The following APOL3 variants were observed in gnomAD, a reference collection of about 807,000 sequenced individuals.
APOL3 encodes apolipoprotein L3, also known as TNF-inducible protein CG12-1.
APOL3 carries 14 observed loss-of-function variants against 11.6 expected under a neutral mutation model. That is an observed-to-expected ratio of 1.21 (90% CI 0.80 to 1.89). The LOEUF is 1.89. Among genes scored for constraint, APOL3 ranks in the 40% most tolerant of loss-of-function variants. The probability of loss-of-function intolerance (pLI) is 0.00; values close to 1 mark genes in which losing one functional copy is unlikely to be tolerated. For synonymous variants in APOL3, 192 were observed against 190.6 expected (o/e 1.01, Z -0.06); for missense variants, 483 against 492.1 (o/e 0.98, Z 0.17).
chr22:36,157,356 C>T (rs144641592), intron 1 of APOL3, among the ~76,000 whole-genome samples: 5 of 152,186 alleles, frequency 3.3e-5, no homozygotes, highest in African/African-American at 1.2e-4. Flanking sequence ...AGAATACACA[C>T]AAAAAAGTCT....
chr22:36,151,354 G>T (rs1249860497), intron 1 of APOL3, among the ~76,000 whole-genome samples: 1 of 152,134 alleles, frequency 6.6e-6, no homozygotes, highest in Non-Finnish European at 1.5e-5. Flanking sequence ...CAGAAGAAAT[G>T]GATGATTGCG....
exon 3 of APOL3, chr22:36,140,894 A>T: frequency 3.7e-6 from 1 of 272,136 alleles, no homozygotes; most frequent in Non-Finnish European, 6.9e-6. Context: ...GTTCCTGCAC[A>T]CCTCCCCTCT....
intron 1 of APOL3, chr22:36,159,573 T>C (rs1174204781): frequency 1.3e-5 from 2 of 152,262 alleles, no homozygotes; most frequent in East Asian, 3.8e-4. Context: ...CAAGCTGGGA[T>C]CATGTGGCAG....
At chr22:36,153,285 C>A in intron 1 of APOL3, 1 of 412,572 alleles carries the variant, frequency 2.4e-6, no homozygotes. Flanking sequence ...AACTGCTAAC[C>A]TCAATAATGG....
intron 1 of APOL3, among the ~76,000 whole-genome samples, chr22:36,155,015 G>A (rs929235232): frequency 2.1e-4 from 32 of 152,110 alleles, no homozygotes; most frequent in African/African-American, 2.2e-4. Context: ...TGGAGGTGCC[G>A]ATGGACCTCC....
chr22:36,159,613 GC>G (rs2013463047), intron 1 of APOL3: 1 of 152,194 alleles, frequency 6.6e-6, no homozygotes, highest in Admixed American at 6.5e-5. Context: ...CGTTCTCACT[GC>G]CCCTGTCTGG....
chr22:36,159,066 C>T (rs1569529931), intron 1 of APOL3, among the ~76,000 whole-genome samples: 1 of 152,012 alleles, frequency 6.6e-6, no homozygotes, highest in Non-Finnish European at 1.5e-5. Context: ...TGTAATTGCA[C>T]CTGAGTTTAT....
chr22:36,149,324 C>A, intron 1 of APOL3, 182 bp from the exon 2 acceptor site: 1 of 1,306,226 alleles, frequency 7.7e-7, no homozygotes, highest in South Asian at 1.2e-5. Flanking sequence ...TCTACTTGCT[C>A]CAGCTCCCTC....
intron 1 of APOL3, chr22:36,157,060 G>A (rs2012997245): frequency 4.4e-6 from 2 of 455,454 alleles, no homozygotes; most frequent in African/African-American, 4.0e-5. Context: ...TACTTTTGGT[G>A]GCTCTATCAG....
chr22:36,164,113 GT>G (rs929947037), upstream of APOL3, among the ~76,000 whole-genome samples: 2 of 152,108 alleles, frequency 1.3e-5, no homozygotes, highest in Admixed American at 6.5e-5. Context: ...TTCTCCTAAT[GT>G]TTTTTTCCAA....
Position 36,155,939 on chromosome 22 carries a change from GC to G in APOL3, c.223+4729del, listed in dbSNP as rs1187390516. 2 of 193,192 alleles carry G rather than the reference GC, an allele frequency of 1.0e-5. 1 individual carries two copies. The highest frequency in any genetic ancestry group is 4.8e-5 in the African/African-American group (2 of 42,050). 12.0% of individuals were successfully genotyped at this position (193,192 alleles called of 1,614,324 possible). A position where few individuals can be genotyped will look rare whatever the true frequency, so the allele number is the denominator to read the frequency against. On this transcript the variant is annotated intron_variant, in intron 1 of 2. Transcript: ENST00000349314. ...TTCCTGGAGGAGGCCCAGACAGGGA[GC>G]CCTCCCTCCTGCCTCAGCTCTGAGC...
At chr22:36,150,326 G>A (rs1456442912) in intron 1 of APOL3, among the ~76,000 whole-genome samples, 1 of 152,014 alleles carries the variant, frequency 6.6e-6, no homozygotes, top group Non-Finnish European at 1.5e-5. Context: ...GAGAAATAGG[G>A]GTGAACATTT....
chr22:36,163,362 C>T (rs1175915928), upstream of APOL3, among the ~76,000 whole-genome samples: 2 of 152,210 alleles, frequency 1.3e-5, no homozygotes, highest in African/African-American at 4.8e-5. Context: ...TGGGTCATAA[C>T]CTTTGGAGAA....
intron 1 of APOL3, among the ~76,000 whole-genome samples, chr22:36,146,823 G>A (rs1410802882): frequency 2.0e-5 from 3 of 152,082 alleles, no homozygotes; most frequent in Admixed American, 6.5e-5. Flanking sequence ...TACACAGCAG[G>A]ATTACTGCCC....
intron 1 of APOL3, chr22:36,146,217 G>GT (rs2060214721): frequency 6.6e-6 from 1 of 152,092 alleles, no homozygotes. Flanking sequence ...TTTTACTAAG[G>GT]CATCCTGAGA....
chr22:36,150,759 C>T (rs1305481275), intron 1 of APOL3, among the ~76,000 whole-genome samples: 1 of 152,128 alleles, frequency 6.6e-6, no homozygotes, highest in African/African-American at 2.4e-5. Context: ...GTGGCGTGTG[C>T]CTGTAATCCC....
exon 3 of APOL3, chr22:36,140,929 A>G (rs1256529849): frequency 2.4e-6 from 1 of 420,946 alleles, no homozygotes; most frequent in East Asian, 4.0e-5. Flanking sequence ...TATATTCGTT[A>G]GTCTAAAGGA....
In APOL3 at chr22:36,158,128, A is replaced by C. The variant is rs149845652; in HGVS notation, c.223+2541T>G. 7.0e-4 allele frequency among the ~76,000 whole-genome samples: 106 copies of C among 152,366 alleles called. No homozygotes were observed. In the East Asian group the frequency reaches 0.018, roughly 25 times the overall value. On this transcript the variant is annotated intron_variant, in intron 1 of 2. Coordinates refer to ENST00000349314, the Ensembl canonical transcript of APOL3. Reference sequence around the variant, plus strand: ...GAAGAAATAGAAATTAACGTTAACCATATGAAAAGGCACTCAAGCTCACTT... The same window carrying C: ...GAAGAAATAGAAATTAACGTTAACCCTATGAAAAGGCACTCAAGCTCACTT...
At chr22:36,142,133 T>C (rs2060020876) in intron 2 of APOL3, 75 bp from the exon 4 acceptor site, 1 of 1,463,918 alleles carries the variant, frequency 6.8e-7, no homozygotes, top group Admixed American at 2.3e-5. Context: ...AGATCTGTTC[T>C]ACATAAATCA....
Sources: allele counts gnomAD v4.1 joint callset (sites outside exome capture counted in the v4.1 genomes callset), GRCh38; gene constraint gnomAD v4.1.1; transcripts MANE v1.5; gene names NCBI Gene and HGNC (gene_info 2026-07-23, HGNC 2026-07-21).